Variants in UBAC1 observed in about 807,000 individuals in gnomAD.
The protein encoded by UBAC1 is ubiquitin-associated domain-containing protein 1.
UBAC1 carries 27 observed loss-of-function variants against 45.9 expected under a neutral mutation model. The ratio of observed to expected loss-of-function variants is 0.59; its 90% CI spans 0.43 to 0.81. The LOEUF (loss-of-function observed/expected upper bound fraction) is 0.81. Ranked by LOEUF, UBAC1 falls within the 30% of genes least tolerant of loss-of-function variation. The probability of loss-of-function intolerance (pLI) is 0.00; values close to 1 mark genes in which losing one functional copy is unlikely to be tolerated. For synonymous variants in UBAC1, 227 were observed against 215.5 expected (o/e 1.05, Z -0.47); for missense variants, 529 against 539.2 (o/e 0.98, Z 0.19).
chr9:135,954,211 C>T (rs1839439902), intron 2 of UBAC1, among the ~76,000 whole-genome samples: 3 of 151,454 alleles, frequency 2.0e-5, no homozygotes, highest in Admixed American at 6.6e-5. Context: ...AATCCCAGCA[C>T]GAGGCAGGCG....
intron 9 of UBAC1, among the ~76,000 whole-genome samples, chr9:135,937,015 G>A (rs748217454): frequency 6.6e-6 from 1 of 152,212 alleles, no homozygotes; most frequent in Non-Finnish European, 1.5e-5. Context: ...AACGCTGAGC[G>A]GAAGGTCTCT....
chr9:135,957,110 A>G (rs1413056002), intron 1 of UBAC1, among the ~76,000 whole-genome samples: 3 of 152,162 alleles, frequency 2.0e-5, no homozygotes, highest in Admixed American at 6.5e-5. Flanking sequence ...ACCTCTCAAC[A>G]CTGGCATTTT....
chr9:135,939,613 T>C lies in UBAC1; in HGVS notation c.963+60A>G, dbSNP rs1254132947. 28 of 1,483,990 alleles carry C rather than the reference T, an allele frequency of 1.9e-5. No individual in the cohort carries two copies. The East Asian group carries it at 5.2e-4, about 27-fold the overall frequency. 91.9% of individuals were successfully genotyped at this position (1,483,990 alleles called of 1,614,324 possible). A position where few individuals can be genotyped will look rare whatever the true frequency, so the allele number is the denominator to read the frequency against. Reference sequence around the variant, plus strand: ...ACACTCACTCACCACAGCCCACACTTACCACAGCCCACACTCACTCACCAC... The same window carrying C: ...ACACTCACTCACCACAGCCCACACTCACCACAGCCCACACTCACTCACCAC... On this transcript the variant is annotated intron_variant, in intron 8 of 9. Coordinates refer to ENST00000371756, the MANE Select transcript of UBAC1 (RefSeq NM_016172.3).
chr9:135,948,157 G>A (rs1839361244), intron 3 of UBAC1: 2 of 420,754 alleles, frequency 4.8e-6, no homozygotes, highest in Non-Finnish European at 8.5e-6. Context: ...AGGAGCAAGG[G>A]TCACAGAACG....
chr9:135,959,482 A>G (rs1182140768), intron 1 of UBAC1, among the ~76,000 whole-genome samples: 1 of 145,906 alleles, frequency 6.9e-6, no homozygotes, highest in East Asian at 2.0e-4. Context: ...TCAAGCGATT[A>G]CCCTGCCTCA....
chr9:135,935,883 G>A (rs537775102), intron 9 of UBAC1, among the ~76,000 whole-genome samples: 8 of 151,920 alleles, frequency 5.3e-5, no homozygotes, highest in Non-Finnish European at 5.9e-5. Flanking sequence ...AAAATTAGCC[G>A]GGCACGGTGG....
intron 1 of UBAC1, among the ~76,000 whole-genome samples, chr9:135,959,719 T>C (rs1839509808): frequency 6.6e-6 from 1 of 152,128 alleles, no homozygotes; most frequent in South Asian, 2.1e-4. Flanking sequence ...CAACACCACC[T>C]GGCTCAAACA....
At position 135,933,334 on chromosome 9, in the gene UBAC1, C is replaced by T; in HGVS notation, c.*66G>A. On this transcript the variant is annotated 3_prime_UTR_variant, in exon 10 of 10. Transcript: ENST00000371756. ...AAGGTGAGTTTCCAGGTGAGGTCCA[C>T]TCTGCCCGGTCTCGGGCCGCACCAG... 1 of 1,402,118 alleles carries T rather than the reference C, an allele frequency of 7.1e-7. No homozygotes were observed. Among genetic ancestry groups the T allele is most frequent in the African/African-American group, 1.4e-5 (1 of 70,894 alleles). 86.9% of individuals were successfully genotyped at this position (1,402,118 alleles called of 1,614,324 possible).
At chr9:135,947,997 G>A in intron 3 of UBAC1, 92 bp from the exon 4 acceptor site, 1 of 1,212,426 alleles carries the variant, frequency 8.2e-7, no homozygotes, top group Non-Finnish European at 1.2e-6. Flanking sequence ...GCCCAAGAAA[G>A]ACTCCGTCTC....
chr9:135,937,518 C>T (rs1839214617), intron 9 of UBAC1, among the ~76,000 whole-genome samples: 1 of 151,872 alleles, frequency 6.6e-6, no homozygotes, highest in African/African-American at 2.4e-5. Flanking sequence ...CAGTGCCTTC[C>T]ATCAAGAAAA....
intron 1 of UBAC1, among the ~76,000 whole-genome samples, chr9:135,957,697 G>A (rs1490993534): frequency 2.0e-5 from 3 of 151,186 alleles, no homozygotes; most frequent in East Asian, 1.9e-4. Flanking sequence ...ATCTTCATGC[G>A]ATCTAGGAAA....
At chr9:135,939,849 C>T in intron 7 of UBAC1, 90 bp from the exon 8 acceptor site, 1 of 1,123,868 alleles carries the variant, frequency 8.9e-7, no homozygotes, top group Non-Finnish European at 1.3e-6. Context: ...CTCCCCGCAC[C>T]CTAGCGGAGG....
Position 135,945,129 on chromosome 9 carries a change from C to T in UBAC1, c.775G>A (p.Ala259Thr). ...AEGATAAASEAAAGASATDEE... is the reference protein window; with the variant it reads ...AEGATAAASETAAGASATDEE... The stretch of plus-strand genomic sequence containing the variant: ...TCGGTGGCGCTGGCTCCCGCGGCAG[C>T]CTCGGAGGCAGCTGCTGTGGCCCCC... Residue 259 changes from alanine to threonine, a missense_variant, in exon 7 of 10, where the codon GCT becomes ACT. Coordinates refer to ENST00000371756, the MANE Select transcript of UBAC1 (RefSeq NM_016172.3). 6.2e-7 allele frequency: 1 copy of T among 1,614,030 alleles called. No individual in the cohort carries two copies. Among genetic ancestry groups the T allele is most frequent in the Non-Finnish European group, 8.5e-7 (1 of 1,179,968 alleles).
chr9:135,946,128 C>T (rs576559330), intron 5 of UBAC1, 131 bp from the exon 6 acceptor site: 94 of 1,048,480 alleles, frequency 9.0e-5, no homozygotes, highest in East Asian at 2.7e-4. Context: ...CAGGAGTTGC[C>T]GGTGAGGCAG....
intron 7 of UBAC1, among the ~76,000 whole-genome samples, chr9:135,940,057 T>C (rs1472142482): frequency 6.6e-6 from 1 of 152,212 alleles, no homozygotes; most frequent in African/African-American, 2.4e-5. Flanking sequence ...GCATCGCTTA[T>C]GTGGACACGA....
Position 135,933,416 on chromosome 9 carries a change from G to C in UBAC1, c.1202C>G (p.Thr401Arg). Residue 401 changes from threonine to arginine, a missense_variant, in exon 10 of 10, where the codon ACA becomes AGA. Coordinates refer to ENST00000371756, the MANE Select transcript of UBAC1 (RefSeq NM_016172.3). ...CAACGCCACCTACGTGCGATTTAGT[G>C]TCTGGAAGATTCTAGAGATCTGCAG... is the stretch of plus-strand genomic sequence containing the variant. ...VMLQISRIFQ[T>R]LNRT 6.2e-7 allele frequency: 1 copy of C among 1,614,096 alleles called. No homozygotes were observed. Among genetic ancestry groups the C allele is most frequent in the Non-Finnish European group, 8.5e-7 (1 of 1,179,960 alleles).
rs1304668288 is a variant in UBAC1 at position 135,945,025 on chromosome 9, T to C, written c.876+3A>G. ...GCCTGGCGACAGGTCTAGTAACACA[T>C]ACCCGAGCATCAGCCCGAAACTCCC... On this transcript the variant is annotated splice_donor_region_variant and intron_variant, in intron 7 of 9. Coordinates refer to ENST00000371756, the MANE Select transcript of UBAC1 (RefSeq NM_016172.3). 2 of 1,612,812 alleles carry C rather than the reference T, an allele frequency of 1.2e-6. No individual in the cohort carries two copies. The highest frequency in any genetic ancestry group is 1.7e-6 in the Non-Finnish European group (2 of 1,179,408).
chr9:135,946,071 A>T (rs986872188), intron 5 of UBAC1, 74 bp from the exon 6 acceptor site: 1 of 1,412,060 alleles, frequency 7.1e-7, no homozygotes, highest in Non-Finnish European at 9.9e-7. Context: ...AAACATTTGC[A>T]GCAATTATCT....
chr9:135,939,793 G>A (rs1839247257), intron 7 of UBAC1, 34 bp from the exon 8 acceptor site: 3 of 1,589,102 alleles, frequency 1.9e-6, no homozygotes, highest in Admixed American at 1.7e-5. Flanking sequence ...CTCGCTGGGG[G>A]CGGCAGGAGG....
Sources: allele counts gnomAD v4.1 joint callset (sites outside exome capture counted in the v4.1 genomes callset), GRCh38; gene constraint gnomAD v4.1.1; transcripts MANE v1.5; gene names NCBI Gene and HGNC (gene_info 2026-07-23, HGNC 2026-07-21).